The following CENPW variants were observed in gnomAD, a reference collection of about 807,000 sequenced individuals.
CENPW encodes centromere protein W, also known as cancer-up-regulated gene 2 protein.
In CENPW, 3 loss-of-function variants were observed where a neutral mutation model predicts 11.1. That is an observed-to-expected ratio of 0.27 (90% CI 0.12 to 0.70). The LOEUF (loss-of-function observed/expected upper bound fraction) is 0.70, where lower values mean the gene tolerates loss of function less well. CENPW is among the 30% of genes least tolerant of loss of function. The pLI is 0.77. For missense variants in CENPW, 100 were observed against 105.6 expected, an observed-to-expected ratio of 0.95 and a Z score of 0.23; for synonymous variants, 38 against 42.0, an observed-to-expected ratio of 0.91 and a Z score of 0.37.
At chr6:126,353,847 C>T (rs1417795528), downstream of CENPW, among the ~76,000 whole-genome samples, 3 of 151,966 alleles carry the variant, frequency 2.0e-5, no homozygotes, top group Non-Finnish European at 2.9e-5. Context: ...ATTTTCTCAT[C>T]TGTTTCATCT....
chr6:126,340,737 G>A (rs1780288314), intron 1 of CENPW, among the ~76,000 whole-genome samples: 1 of 152,080 alleles, frequency 6.6e-6, no homozygotes, highest in Non-Finnish European at 1.5e-5. Flanking sequence ...ACTTGCAAAG[G>A]GTATGAAAGA....
At chr6:126,436,427 C>T in the CENPW span, among the ~76,000 whole-genome samples, 12 of 151,830 alleles carry the variant, frequency 7.9e-5, no homozygotes, top group Admixed American at 5.3e-4. Flanking sequence ...TCTATAGTGT[C>T]TTTTGAGGTC....
chr6:126,435,912 C>G, the CENPW span, among the ~76,000 whole-genome samples: 1 of 151,730 alleles, frequency 6.6e-6, no homozygotes, highest in Admixed American at 6.6e-5. Flanking sequence ...GAAATAAATA[C>G]TACACTGTAT....
At chr6:126,402,926 A>C in the CENPW span, among the ~76,000 whole-genome samples, 1 of 152,056 alleles carries the variant, frequency 6.6e-6, no homozygotes, top group Admixed American at 6.6e-5. Flanking sequence ...GTGTGGAGCA[A>C]GTCTATCAAT....
chr6:126,384,454 G>A, the CENPW span, among the ~76,000 whole-genome samples: 2 of 152,188 alleles, frequency 1.3e-5, no homozygotes, highest in African/African-American at 4.8e-5. Flanking sequence ...ACAGAATAGA[G>A]AGCCCAGAAA....
At chr6:126,361,902 A>G in the CENPW span, among the ~76,000 whole-genome samples, 981 of 152,064 alleles carry the variant, frequency 6.5e-3, 13 homozygotes, top group African/African-American at 0.023. Flanking sequence ...TCAGCTCAGT[A>G]CTCCAGAGCT....
chr6:126,394,680 A>T, the CENPW span, among the ~76,000 whole-genome samples: 1 of 151,992 alleles, frequency 6.6e-6, no homozygotes, highest in Non-Finnish European at 1.5e-5. Flanking sequence ...TTTCCTTCAG[A>T]TTGGAGAACT....
chr6:126,384,107 C>A, the CENPW span, among the ~76,000 whole-genome samples: 7 of 152,080 alleles, frequency 4.6e-5, no homozygotes, highest in Admixed American at 4.6e-4. Context: ...TCACTCAAAA[C>A]CATGTAATTA....
At chr6:126,477,986 A>G in the CENPW span, among the ~76,000 whole-genome samples, 2 of 151,984 alleles carry the variant, frequency 1.3e-5, no homozygotes, top group African/African-American at 4.8e-5. Context: ...GCTCTTTTCA[A>G]TTCTTATTCT....
chr6:126,476,885 G>A, the CENPW span, among the ~76,000 whole-genome samples: 89 of 151,998 alleles, frequency 5.9e-4, no homozygotes, highest in African/African-American at 2.1e-3. Flanking sequence ...AAAACCAGAT[G>A]GGTTAATGTC....
rs866043423 is a variant in CENPW, at chr6:126,340,383, A to G, written c.110A>G (p.Lys37Arg). 1 of 1,614,060 alleles carries G rather than the reference A, an allele frequency of 6.2e-7. No individual in the cohort carries two copies. The highest frequency in any genetic ancestry group is 1.3e-5 in the African/African-American group (1 of 74,926). Residue 37 changes from lysine (K) to arginine (R), a missense_variant, in exon 1 of 3, where the codon AAA becomes AGA. By Grantham distance (26) the Lys-to-Arg change is conservative. Coordinates refer to ENST00000368328, the MANE Select transcript of CENPW (RefSeq NM_001012507.4). ...AAGAAGCCTCAACTTCGTCTGGAGA[A>G]AAGTGGTGACTTATTGGTGAGATTC... Reference protein sequence around the residue: ...KRKKPQLRLEKSGDLLVHLNC... With the variant: ...KRKKPQLRLERSGDLLVHLNC...
the CENPW span, among the ~76,000 whole-genome samples, chr6:126,390,858 TTATC>T: frequency 6.6e-6 from 1 of 152,064 alleles, no homozygotes; most frequent in Non-Finnish European, 1.5e-5. Flanking sequence ...CACATTTTCT[TTATC>T]CATTCATCTT....
the CENPW span, among the ~76,000 whole-genome samples, chr6:126,391,162 A>G: frequency 1.3e-5 from 2 of 152,062 alleles, no homozygotes; most frequent in Admixed American, 1.3e-4. Context: ...GATATAAGCC[A>G]TTTTAATTGA....
chr6:126,366,054 A>G, the CENPW span, among the ~76,000 whole-genome samples: 1 of 152,202 alleles, frequency 6.6e-6, no homozygotes, highest in Non-Finnish European at 1.5e-5. Flanking sequence ...TAAGGCTTTG[A>G]AATTGTGAAA....
At chr6:126,345,068 G>T (rs1780382886) in intron 1 of CENPW, among the ~76,000 whole-genome samples, 1 of 152,056 alleles carries the variant, frequency 6.6e-6, no homozygotes, top group Middle Eastern at 3.4e-3. Flanking sequence ...TACTACATAT[G>T]ATTCTTGAGT....
chr6:126,361,938 G>A, the CENPW span, among the ~76,000 whole-genome samples: 7 of 152,194 alleles, frequency 4.6e-5, no homozygotes, highest in Admixed American at 4.6e-4. Context: ...GGCAGGCTCG[G>A]AGGGCCAGTG....
chr6:126,415,853 C>G, the CENPW span, among the ~76,000 whole-genome samples: 1 of 152,156 alleles, frequency 6.6e-6, no homozygotes, highest in Non-Finnish European at 1.5e-5. Context: ...GGAAACTGCC[C>G]AGTCCCAGTT....
chr6:126,457,483 T>C, the CENPW span, among the ~76,000 whole-genome samples: 1 of 151,400 alleles, frequency 6.6e-6, no homozygotes. Flanking sequence ...TACTGTATGT[T>C]CACATTTATG....
At chr6:126,359,542 C>T in the CENPW span, among the ~76,000 whole-genome samples, 1 of 151,816 alleles carries the variant, frequency 6.6e-6, no homozygotes, top group African/African-American at 2.4e-5. Context: ...CCCACTATTA[C>T]TATGTGTCTG....
Sources: gnomAD v4.1 joint callset for allele counts (sites outside exome capture counted in the v4.1 genomes callset) on GRCh38, gnomAD v4.1.1 for gene constraint, MANE v1.5 for transcripts, NCBI Gene and HGNC (gene_info 2026-07-23, HGNC 2026-07-21) for gene names.